The following DYM variants were observed in gnomAD, a reference collection of about 807,000 sequenced individuals.
The protein encoded by DYM is dymeclin.
Under a neutral mutation model 93.1 loss-of-function variants are expected in DYM, and 78 were observed. That is an observed-to-expected ratio of 0.84 (90% CI 0.70 to 1.01). The LOEUF is 1.01. Among genes scored for constraint, DYM ranks in the 50% least tolerant of loss-of-function variants. DYM has a pLI of 0.00. For synonymous variants in DYM, 321 were observed against 319.7 expected (o/e 1.00, Z -0.04); for missense variants, 789 against 845.0 (o/e 0.93, Z 0.82).
In DYM at chr18:49,106,544, C is replaced by T. The variant is rs185810269; in HGVS notation, c.1912-9029G>A. Among the ~76,000 whole-genome samples, 36 of 152,226 alleles carry T rather than the reference C, an allele frequency of 2.4e-4. No homozygotes were observed. The East Asian group carries it at 3.7e-3, about 15-fold the overall frequency. ...GGCAAGTTTTTGCAGTGGCTGGTAC[C>T]GGTTGTTCCTTTCTATGTTTAGTGC... On this transcript the variant is annotated intron_variant, in intron 16 of 17. Transcript: ENST00000675505.
chr18:49,301,292 T>C (rs1422720755), intron 8 of DYM, among the ~76,000 whole-genome samples: 1 of 152,000 alleles, frequency 6.6e-6, no homozygotes, highest in Non-Finnish European at 1.5e-5. Context: ...AGGCCGAGGC[T>C]GGCAGATCAC....
chr18:49,333,420 A>G (rs149100918), intron 7 of DYM, among the ~76,000 whole-genome samples: 110 of 152,364 alleles, frequency 7.2e-4, no homozygotes, highest in African/African-American at 2.5e-3. Flanking sequence ...AATAACAAAT[A>G]TGACTTGACT....
intron 13 of DYM, among the ~76,000 whole-genome samples, chr18:49,229,460 A>G (rs1337811364): frequency 1.3e-5 from 2 of 152,204 alleles, no homozygotes; most frequent in Non-Finnish European, 2.9e-5. Flanking sequence ...TAAAAAGGAT[A>G]AAGATCTAAA....
intron 11 of DYM, among the ~76,000 whole-genome samples, chr18:49,262,699 A>G (rs2094508738): frequency 6.6e-6 from 1 of 152,192 alleles, no homozygotes; most frequent in African/African-American, 2.4e-5. Context: ...ACAGCAGAGA[A>G]CAAAGAACTG....
intron 6 of DYM, among the ~76,000 whole-genome samples, chr18:49,350,722 A>G (rs1311509371): frequency 3.6e-5 from 5 of 137,126 alleles, no homozygotes; most frequent in African/African-American, 1.4e-4. Flanking sequence ...AAAAGAAAAA[A>G]AAAGAAAAAA....
chr18:49,390,852 C>T (rs979168763), intron 3 of DYM: 1 of 152,888 alleles, frequency 6.5e-6, no homozygotes, highest in Non-Finnish European at 1.5e-5. Flanking sequence ...TTATTACATT[C>T]CTGTACCCTA....
intron 16 of DYM, 105 bp downstream of exon 16, chr18:49,118,639 G>C (rs1424447359): frequency 1.8e-6 from 2 of 1,096,442 alleles, no homozygotes. Flanking sequence ...AGTTAATGTT[G>C]AAAGAAGAAA....
At chr18:49,427,633 T>C (rs996385702) in intron 2 of DYM, among the ~76,000 whole-genome samples, 1 of 151,966 alleles carries the variant, frequency 6.6e-6, no homozygotes, top group Non-Finnish European at 1.5e-5. Flanking sequence ...ATGAACAAAA[T>C]ATAGAAACAA....
rs2093217377 is a variant in DYM at position 49,219,019 on chromosome 18, A to G, written c.1461-9304T>C. Among the ~76,000 whole-genome samples the G allele has an allele frequency of 3.3e-5, 5 of 152,236 alleles. No homozygotes were observed. The South Asian group carries it at 1.0e-3, about 31-fold the overall frequency. On this transcript the variant is annotated intron_variant, in intron 13 of 17. Coordinates refer to ENST00000675505, the MANE Select transcript of DYM (RefSeq NM_001353214.3). ...TTGATAGACCGCTAGCAAGACTAAT[A>G]AAGACGAAAACAGAGAAGAATCAAA...
intron 6 of DYM, among the ~76,000 whole-genome samples, chr18:49,362,078 C>G (rs926340591): frequency 6.6e-6 from 1 of 150,482 alleles, no homozygotes; most frequent in African/African-American, 2.4e-5. Context: ...ATTGCCCAGG[C>G]TGGTCTCCAA....
chr18:49,287,656 A>G (rs1254028084), intron 8 of DYM, among the ~76,000 whole-genome samples: 1 of 151,972 alleles, frequency 6.6e-6, no homozygotes, highest in Non-Finnish European at 1.5e-5. Flanking sequence ...AGGCCTGACC[A>G]ACATGGAGAA....
At chr18:49,263,660 T>C (rs1216637132) in intron 11 of DYM, among the ~76,000 whole-genome samples, 3 of 151,096 alleles carry the variant, frequency 2.0e-5, no homozygotes, top group East Asian at 2.0e-4. Context: ...ACCTGGGAGG[T>C]GGAGGTTGCA....
In DYM at chr18:49,304,327, T is replaced by A. The variant is rs959397738; in HGVS notation, c.764-17711A>T. Among the ~76,000 whole-genome samples, 4 of 152,226 alleles carry A rather than the reference T, an allele frequency of 2.6e-5. No individual in the cohort carries two copies. The South Asian group carries it at 8.3e-4, about 32-fold the overall frequency. ...AGGCCAACAGCCTTAACCCAACAAA[T>A]TGTCAACGGCTAGAATCAGAACTCA... On this transcript the variant is annotated intron_variant, in intron 8 of 17. Coordinates refer to ENST00000675505, the MANE Select transcript of DYM (RefSeq NM_001353214.3).
At chr18:49,416,763 A>G (rs2073037601) in intron 2 of DYM, among the ~76,000 whole-genome samples, 1 of 152,214 alleles carries the variant, frequency 6.6e-6, no homozygotes, top group Non-Finnish European at 1.5e-5. Context: ...ACTTAAAAAA[A>G]TAATGTCTCT....
At chr18:49,381,466 C>T (rs759161574) in intron 3 of DYM, among the ~76,000 whole-genome samples, 16 of 152,154 alleles carry the variant, frequency 1.1e-4, no homozygotes, top group Non-Finnish European at 1.8e-4. Context: ...AAGCACTTTG[C>T]TATTCCAAGC....
At chr18:49,066,749 C>A (rs1274853494) in intron 17 of DYM, among the ~76,000 whole-genome samples, 2 of 152,024 alleles carry the variant, frequency 1.3e-5, no homozygotes, top group Admixed American at 6.6e-5. Context: ...CCACATCATA[C>A]CTTCTTTACT....
intron 5 of DYM, among the ~76,000 whole-genome samples, chr18:49,367,433 C>A (rs2066622011): frequency 6.6e-6 from 1 of 152,294 alleles, no homozygotes; most frequent in South Asian, 2.1e-4. Context: ...TTAGTTCATT[C>A]TATTCAGCAT....
chr18:49,056,368 G>C (rs1188858215), intron 17 of DYM, among the ~76,000 whole-genome samples: 1 of 152,210 alleles, frequency 6.6e-6, no homozygotes, highest in African/African-American at 2.4e-5. Flanking sequence ...CAGGTGATGT[G>C]ATCAGAAATC....
intron 14 of DYM, among the ~76,000 whole-genome samples, chr18:49,171,455 C>A (rs1456603624): frequency 6.6e-6 from 1 of 152,054 alleles, no homozygotes; most frequent in Non-Finnish European, 1.5e-5. Flanking sequence ...AGATGATTTA[C>A]AGATAAAGAA....
Sources: gnomAD v4.1 joint callset for allele counts (sites outside exome capture counted in the v4.1 genomes callset) on GRCh38, gnomAD v4.1.1 for gene constraint, MANE v1.5 for transcripts, NCBI Gene and HGNC (gene_info 2026-07-23, HGNC 2026-07-21) for gene names.